AGBL4: variants seen among roughly 807,000 people sequenced by gnomAD.
AGBL4 encodes AGBL carboxypeptidase 4.
In AGBL4, 58 loss-of-function variants were observed where a neutral mutation model predicts 66.4. The observed-to-expected ratio is 0.87, with a 90% confidence interval of 0.71 to 1.09. The LOEUF is 1.09. AGBL4 is among the 50% of genes least tolerant of loss of function. AGBL4 has a pLI of 0.00. For synonymous variants in AGBL4, 234 were observed against 222.9 expected (o/e 1.05, Z -0.44); for missense variants, 579 against 631.0 (o/e 0.92, Z 0.88).
chr1:48,616,200 T>G (rs557301342), intron 9 of AGBL4, among the ~76,000 whole-genome samples: 1 of 152,284 alleles, frequency 6.6e-6, no homozygotes, highest in Admixed American at 6.5e-5. Context: ...TCTCAGAACC[T>G]CACTCCAGAC....
At chr1:49,097,453 T>C (rs1645126232) in intron 4 of AGBL4, among the ~76,000 whole-genome samples, 1 of 152,214 alleles carries the variant, frequency 6.6e-6, no homozygotes, top group African/African-American at 2.4e-5. Flanking sequence ...TGTACTTTTA[T>C]GTTTGTCTAA....
At chr1:49,614,139 C>G (rs928783545) in intron 3 of AGBL4, among the ~76,000 whole-genome samples, 1 of 151,998 alleles carries the variant, frequency 6.6e-6, no homozygotes, top group African/African-American at 2.4e-5. Context: ...TAAAGAAACC[C>G]AGCACACCTG....
intron 3 of AGBL4, among the ~76,000 whole-genome samples, chr1:49,288,280 G>T (rs1293766900): frequency 1.3e-5 from 2 of 149,840 alleles, no homozygotes; most frequent in Non-Finnish European, 3.0e-5. Context: ...CGAGTTAGTG[G>T]GTGCAGCACA....
chr1:49,320,296 A>T (rs976374361), intron 3 of AGBL4, among the ~76,000 whole-genome samples: 3 of 152,152 alleles, frequency 2.0e-5, no homozygotes, highest in Non-Finnish European at 2.9e-5. Context: ...ACATATGCTG[A>T]CATTTCTCTA....
intron 2 of AGBL4, chr1:49,845,786 C>G: frequency 6.4e-7 from 1 of 1,568,882 alleles, no homozygotes; most frequent in Non-Finnish European, 8.8e-7. Flanking sequence ...AGCCACGGCT[C>G]CTCACTTAGC....
chr1:49,163,201 T>C (rs1018328118), intron 4 of AGBL4, among the ~76,000 whole-genome samples: 5 of 152,204 alleles, frequency 3.3e-5, no homozygotes, highest in African/African-American at 1.2e-4. Flanking sequence ...TTCATTCCCT[T>C]ACTCATTCAA....
chr1:49,320,001 C>T (rs923507543), intron 3 of AGBL4, among the ~76,000 whole-genome samples: 6 of 152,046 alleles, frequency 3.9e-5, no homozygotes, highest in East Asian at 1.9e-4. Flanking sequence ...CCATTACAGA[C>T]GGTTCACTAC....
At chr1:49,041,372 G>GA (rs1643937665) in intron 5 of AGBL4, among the ~76,000 whole-genome samples, 1 of 152,128 alleles carries the variant, frequency 6.6e-6, no homozygotes, top group Non-Finnish European at 1.5e-5. Context: ...TCAAGGTCCA[G>GA]AACAGAGGAT....
chr1:49,468,255 G>A (rs573966884), intron 3 of AGBL4, among the ~76,000 whole-genome samples: 1 of 151,792 alleles, frequency 6.6e-6, no homozygotes, highest in Non-Finnish European at 1.5e-5. Flanking sequence ...GAATGTCTTT[G>A]GATTATTTTA....
At chr1:49,071,994 T>A (rs1644614339) in intron 4 of AGBL4, among the ~76,000 whole-genome samples, 1 of 152,216 alleles carries the variant, frequency 6.6e-6, no homozygotes, top group African/African-American at 2.4e-5. Flanking sequence ...TTTACCATTA[T>A]GTAATGGCCT....
chr1:48,805,438 G>T (rs1343178224), intron 6 of AGBL4, among the ~76,000 whole-genome samples: 1 of 152,138 alleles, frequency 6.6e-6, no homozygotes, highest in African/African-American at 2.4e-5. Context: ...CTGGTTTGGG[G>T]AATCTAAAAT....
At chr1:48,804,086 C>T (rs1448724073) in intron 6 of AGBL4, among the ~76,000 whole-genome samples, 1 of 152,188 alleles carries the variant, frequency 6.6e-6, no homozygotes, top group East Asian at 1.9e-4. Flanking sequence ...TAGAAGCTCA[C>T]AAACACTAGC....
At chr1:49,648,742 T>C (rs969837488) in intron 3 of AGBL4, among the ~76,000 whole-genome samples, 1 of 151,728 alleles carries the variant, frequency 6.6e-6, no homozygotes, top group African/African-American at 2.4e-5. Context: ...AAAACTACAA[T>C]TCTTTTACTC....
intron 4 of AGBL4, among the ~76,000 whole-genome samples, chr1:49,245,445 C>T (rs929850369): frequency 6.6e-5 from 10 of 151,144 alleles, no homozygotes; most frequent in African/African-American, 2.4e-4. Context: ...TAATAAAAGC[C>T]AAACAGGACA....
intron 3 of AGBL4, among the ~76,000 whole-genome samples, chr1:49,360,937 C>T (rs945982575): frequency 6.6e-6 from 1 of 152,002 alleles, no homozygotes; most frequent in African/African-American, 2.4e-5. Flanking sequence ...GCTGGGATTA[C>T]AGGCACCTGC....
intron 4 of AGBL4, among the ~76,000 whole-genome samples, chr1:49,193,270 T>C (rs898514875): frequency 2.0e-4 from 30 of 152,008 alleles, no homozygotes; most frequent in African/African-American, 5.6e-4. Flanking sequence ...TTTGTTCTTG[T>C]TTTTCTAGTT....
intron 4 of AGBL4, among the ~76,000 whole-genome samples, chr1:49,052,079 ATTTTT>A (rs5774037): frequency 2.2e-5 from 3 of 139,046 alleles, no homozygotes; most frequent in Non-Finnish European, 3.1e-5. Context: ...ATATGTAGGG[ATTTTT>A]TTTTTTTTTT....
In AGBL4 at chr1:48,785,120, C is replaced by T. The variant is rs12077691; in HGVS notation, c.634+82071G>A. Among the ~76,000 whole-genome samples the T allele has an allele frequency of 2.1e-3, 319 of 152,262 alleles. 5 individuals are homozygous for T. The highest frequency in any genetic ancestry group is 7.0e-3 in the African/African-American group (289 of 41,546). On this transcript the variant is annotated intron_variant, in intron 6 of 13. Coordinates refer to ENST00000371839, the MANE Select transcript of AGBL4 (RefSeq NM_032785.4). ...TCCTCCCTGACTCACTCCTTCCATC[C>T]CCCTCCATAGACTAGCTCCAGTCCT...
chr1:48,973,296 T>A (rs1659059555), intron 5 of AGBL4, among the ~76,000 whole-genome samples: 1 of 152,184 alleles, frequency 6.6e-6, no homozygotes, highest in South Asian at 2.1e-4. Context: ...TTTGGATCTA[T>A]TTCCTGGCCA....
Sources: allele counts gnomAD v4.1 joint callset (sites outside exome capture counted in the v4.1 genomes callset), GRCh38; gene constraint gnomAD v4.1.1; transcripts MANE v1.5; gene names NCBI Gene and HGNC (gene_info 2026-07-23, HGNC 2026-07-21).